PCDHGA8: variants seen among roughly 807,000 people sequenced by gnomAD.
The protein encoded by PCDHGA8 is protocadherin gamma subfamily A, 8.
In PCDHGA8, 45 loss-of-function variants were observed where a neutral mutation model predicts 59.2. The ratio of observed to expected loss-of-function variants is 0.76; its 90% CI spans 0.60 to 0.98. PCDHGA8 has a LOEUF of 0.98. PCDHGA8 is among the 50% of genes least tolerant of loss of function. The pLI is 0.00. For synonymous variants in PCDHGA8, 531 were observed against 519.0 expected, an observed-to-expected ratio of 1.02 and a Z score of -0.32; for missense variants, 1,257 against 1,196.2, an observed-to-expected ratio of 1.05 and a Z score of -0.75.
intron 1 of PCDHGA8, chr5:141,420,367 T>C: frequency 7.3e-7 from 1 of 1,360,684 alleles, no homozygotes; most frequent in Non-Finnish European, 9.7e-7. Flanking sequence ...CTAGATAACT[T>C]CTTCATAGAG....
chr5:141,424,393 A>G (rs1241872928), intron 1 of PCDHGA8: 1 of 152,120 alleles, frequency 6.6e-6, no homozygotes, highest in Non-Finnish European at 1.5e-5. Flanking sequence ...TGTCTTTTCC[A>G]TTACTATGGT....
chr5:141,431,702 T>C lies in PCDHGA8; in HGVS notation c.2424+36465T>C, dbSNP rs1349630251. The C allele has an allele frequency of 5.6e-6, 9 of 1,614,110 alleles. No individual in the cohort carries two copies. In the East Asian group the frequency reaches 8.9e-5, roughly 16 times the overall value. Reference sequence around the variant, plus strand: ...GTTGGACCACGAGGAGTCAGGATTCTACCAGATGGAAGTGCAAGCAATGGA... The same window carrying C: ...GTTGGACCACGAGGAGTCAGGATTCCACCAGATGGAAGTGCAAGCAATGGA... On this transcript the variant is annotated intron_variant, in intron 1 of 3. Transcript: ENST00000398604. This position sits in a 1 kb window ranked among gnomAD's most constrained non-coding sequence, Gnocchi z 4.8.
intron 1 of PCDHGA8, among the ~76,000 whole-genome samples, chr5:141,437,614 A>G (rs113599071): frequency 3.1e-4 from 47 of 152,242 alleles, no homozygotes; most frequent in Non-Finnish European, 5.1e-4. Flanking sequence ...AATCTGCTTT[A>G]TCCCCATATA....
chr5:141,392,784 A>G lies in PCDHGA8; in HGVS notation c.-30A>G. The G allele has an allele frequency of 6.5e-7, 1 of 1,546,632 alleles. No individual in the cohort carries two copies. On this transcript the variant is annotated 5_prime_UTR_variant, in exon 1 of 4. Transcript: ENST00000398604. ...TAAGACCCATTTATGCACAGTGAAG[A>G]TTCTGAGAGGATTCTGCAGCAAAAC...
Position 141,432,604 on chromosome 5 carries a change from A to T in PCDHGA8, c.2424+37367A>T, listed in dbSNP as rs774164351. ...GTCTGCTCAAGGCCAGCGAGCCGGG[A>T]CTCTTCTCGGTGGGTCTGCACACGG... On this transcript the variant is annotated intron_variant, in intron 1 of 3. Coordinates refer to ENST00000398604, the MANE Select transcript of PCDHGA8 (RefSeq NM_032088.2). The surrounding 1 kb of genome is among the most constrained non-coding windows in gnomAD (Gnocchi z 6.0). 1.2e-6 allele frequency: 2 copies of T among 1,610,530 alleles called. No homozygotes were observed. The highest frequency in any genetic ancestry group is 1.7e-6 in the Non-Finnish European group (2 of 1,179,274).
intron 1 of PCDHGA8, chr5:141,400,044 G>T: frequency 1.2e-6 from 2 of 1,613,672 alleles, no homozygotes; most frequent in Non-Finnish European, 1.7e-6. Context: ...AGCGCCTGCT[G>T]GTTGCTGTGC....
chr5:141,500,989 C>T (rs779352768), intron 2 of PCDHGA8, among the ~76,000 whole-genome samples: 1 of 152,040 alleles, frequency 6.6e-6, no homozygotes, highest in Non-Finnish European at 1.5e-5. Context: ...CTGCCTCAGC[C>T]TCCTGAGTAG....
chr5:141,435,372 T>C (rs2097759153), intron 1 of PCDHGA8, among the ~76,000 whole-genome samples: 1 of 152,216 alleles, frequency 6.6e-6, no homozygotes, highest in African/African-American at 2.4e-5. Context: ...CACTTAAATA[T>C]ACAATATACC....
intron 1 of PCDHGA8, among the ~76,000 whole-genome samples, chr5:141,452,868 C>T (rs1339532803): frequency 6.6e-6 from 1 of 152,170 alleles, no homozygotes; most frequent in Non-Finnish European, 1.5e-5. Flanking sequence ...TTTTCTAACT[C>T]CATTTGTAAT....
rs956263164 is a variant in PCDHGA8 at position 141,511,304 on chromosome 5, C to G, written c.*131C>G. The G allele has an allele frequency of 3.3e-5, 49 of 1,490,320 alleles. No homozygotes were observed. The highest frequency in any genetic ancestry group is 4.2e-5 in the African/African-American group (3 of 71,286). The allele number at this position is 1,490,320 out of a possible 1,614,324, so 92.3% of individuals were successfully genotyped here. ...TGGTAGGGGCCAAGGCCATGCTCCC[C>G]TTGGGAAACAGAAACAAGTGCCCAG... On this transcript the variant is annotated 3_prime_UTR_variant, in exon 4 of 4. Coordinates refer to ENST00000398604, the MANE Select transcript of PCDHGA8 (RefSeq NM_032088.2).
chr5:141,395,213 T>C lies in PCDHGA8; in HGVS notation c.2400T>C (p.Tyr800=). 6.2e-7 allele frequency: 1 copy of C among 1,613,280 alleles called. No homozygotes were observed. Among genetic ancestry groups the C allele is most frequent in the Non-Finnish European group, 8.5e-7 (1 of 1,179,462 alleles). ...SLLTSVDFHE[Y]KNEADHGQQA... ...TAACATCCGTAGATTTTCATGAATA[T>C]AAGAATGAAGCTGATCATGGTCAGG... Residue 800 remains tyrosine, a synonymous_variant, in exon 1 of 4, where the codon TAT becomes TAC. Transcript: ENST00000398604.
intron 1 of PCDHGA8, among the ~76,000 whole-genome samples, chr5:141,455,776 A>G (rs1386162201): frequency 6.6e-6 from 1 of 152,186 alleles, no homozygotes. Context: ...GGGCTTTAAA[A>G]GAAACTTTTC....
chr5:141,441,700 T>TCAAG (rs1409793305), intron 1 of PCDHGA8: 1 of 308,660 alleles, frequency 3.2e-6, no homozygotes, highest in African/African-American at 2.3e-5. Context: ...CCGCGAGCCT[T>TCAAG]CAAGCTCACG....
rs2099404773 is a variant in PCDHGA8 at position 141,477,081 on chromosome 5, T to C, written c.2425-17726T>C. ...GACACCAAACTCCATGAGATTTACA[T>C]CCAGGCCAAAGACAAGGGCGCCAAT... On this transcript the variant is annotated intron_variant, in intron 1 of 3. Transcript: ENST00000398604. The surrounding 1 kb of genome is among the most constrained non-coding windows in gnomAD (Gnocchi z 4.9). 6.2e-7 allele frequency: 1 copy of C among 1,614,104 alleles called. No individual in the cohort carries two copies. Among genetic ancestry groups the C allele is most frequent in the Non-Finnish European group, 8.5e-7 (1 of 1,180,052 alleles).
At chr5:141,457,062 T>C (rs1168687034) in intron 1 of PCDHGA8, among the ~76,000 whole-genome samples, 1 of 152,232 alleles carries the variant, frequency 6.6e-6, no homozygotes, top group Non-Finnish European at 1.5e-5. Context: ...GCTTCCTTTT[T>C]GCCAGTAACT....
In PCDHGA8 at chr5:141,438,615, TATATATATATATATATATATACAC is replaced by T. The variant is rs1230398483; in HGVS notation, c.2424+43380_2424+43403del. ...ACATATATATATATATATATATATA[TATATATATATATATATATATACAC>T]ACACACACACACATATATGTATATA... is the stretch of plus-strand genomic sequence containing the variant. On this transcript the variant is annotated intron_variant, in intron 1 of 3. Transcript: ENST00000398604. Among the ~76,000 whole-genome samples the T allele has an allele frequency of 3.0e-3, 107 of 35,910 alleles. 2 individuals carry two copies. The highest frequency in any genetic ancestry group is 7.9e-3 in the African/African-American group (39 of 4,916). The allele number at this position is 35,910 out of a possible 152,430, so 23.6% of individuals were successfully genotyped here. A position where few individuals can be genotyped will look rare whatever the true frequency, so the allele number is the denominator to read the frequency against.
intron 1 of PCDHGA8, chr5:141,404,741 GACT>G: frequency 6.2e-7 from 1 of 1,614,072 alleles, no homozygotes; most frequent in Non-Finnish European, 8.5e-7. Flanking sequence ...AGTGGACAGA[GACT>G]CAGGCCAGAA....
intron 2 of PCDHGA8, 119 bp from the exon 3 acceptor site, chr5:141,505,274 C>T: frequency 6.6e-7 from 1 of 1,524,344 alleles, no homozygotes; most frequent in East Asian, 2.3e-5. Flanking sequence ...CTGAGAGAAA[C>T]AGGTCTTGGG....
At chr5:141,428,312 C>A in intron 1 of PCDHGA8, 1 of 671,484 alleles carries the variant, frequency 1.5e-6, no homozygotes, top group Non-Finnish European at 2.7e-6. Flanking sequence ...CTGGTCGTGG[C>A]CTTGGCCTTG....
Sources: gnomAD v4.1 joint callset for allele counts (sites outside exome capture counted in the v4.1 genomes callset) on GRCh38, gnomAD v4.1.1 for gene constraint, Gnocchi (gnomAD v3.1) non-coding constraint, MANE v1.5 for transcripts, NCBI Gene and HGNC (gene_info 2026-07-23, HGNC 2026-07-21) for gene names.